Variants in ENDOD1 observed in about 807,000 individuals in gnomAD.
ENDOD1 encodes the protein endonuclease domain containing 1.
ENDOD1 carries 9 observed loss-of-function variants against 6.5 expected under a neutral mutation model. The observed-to-expected ratio is 1.39, with a 90% CI of 0.84 to 2.43. The LOEUF (loss-of-function observed/expected upper bound fraction) is 2.43. Ranked by LOEUF, ENDOD1 falls within the 30% of genes most tolerant of loss-of-function variation. The pLI is 0.00. For synonymous variants in ENDOD1, 255 were observed against 255.2 expected, an observed-to-expected ratio of 1.00 and a Z score of 0.01; for missense variants, 648 against 635.5, an observed-to-expected ratio of 1.02 and a Z score of -0.21.
intron 1 of ENDOD1, among the ~76,000 whole-genome samples, chr11:95,120,980 G>A (rs965988487): frequency 2.0e-5 from 3 of 152,144 alleles, no homozygotes; most frequent in Non-Finnish European, 4.4e-5. Flanking sequence ...CCTCGCAGTT[G>A]CTGTACTCCC....
Position 95,129,412 on chromosome 11 carries a change from G to A in ENDOD1, c.1336G>A (p.Gly446Ser). The A allele has an allele frequency of 1.9e-6, 3 of 1,614,182 alleles. No individual in the cohort carries two copies. The highest frequency in any genetic ancestry group is 2.5e-6 in the Non-Finnish European group (3 of 1,180,038). ...DVATFPVYTM[G>S]AIPIVCKDIA... The stretch of plus-strand genomic sequence containing the variant: ...GGCCACTTTCCCTGTGTACACCATG[G>A]GCGCTATTCCAATTGTTTGCAAGGA... Residue 446 changes from glycine to serine, a missense_variant, in exon 2 of 2, where the codon GGC becomes AGC. Gly to Ser is a moderately conservative substitution (Grantham distance 56). Coordinates refer to ENST00000278505, the MANE Select transcript of ENDOD1 (RefSeq NM_015036.3).
At chr11:95,090,311 G>T in intron 1 of ENDOD1, 84 bp downstream of exon 1, 4 of 1,343,436 alleles carry the variant, frequency 3.0e-6, no homozygotes, top group Non-Finnish European at 3.8e-6. Flanking sequence ...TACCGCGAGG[G>T]GCGGGCCGGG....
chr11:95,121,548 C>T (rs1039164502), intron 1 of ENDOD1, among the ~76,000 whole-genome samples: 2 of 152,150 alleles, frequency 1.3e-5, no homozygotes, highest in Non-Finnish European at 2.9e-5. Flanking sequence ...GAATGTTTCC[C>T]CTCCAATACT....
chr11:95,100,323 AC>A (rs1175787449), intron 1 of ENDOD1, among the ~76,000 whole-genome samples: 1 of 151,842 alleles, frequency 6.6e-6, no homozygotes, highest in Non-Finnish European at 1.5e-5. Context: ...CTCTTTGGAA[AC>A]CCTTCAGGAC....
intron 1 of ENDOD1, among the ~76,000 whole-genome samples, chr11:95,096,926 G>A (rs1858991102): frequency 6.6e-6 from 1 of 152,172 alleles, no homozygotes; most frequent in South Asian, 2.1e-4. Flanking sequence ...ACTTTGGGAG[G>A]CCAAGGCGGT....
intron 1 of ENDOD1, among the ~76,000 whole-genome samples, chr11:95,097,070 A>G (rs1388445007): frequency 6.7e-6 from 1 of 149,840 alleles, no homozygotes; most frequent in Non-Finnish European, 1.5e-5. Context: ...TGGGAGGATC[A>G]TTTGGGCCTG....
chr11:95,114,777 C>G (rs1341025796), intron 1 of ENDOD1, among the ~76,000 whole-genome samples: 1 of 152,170 alleles, frequency 6.6e-6, no homozygotes, highest in Non-Finnish European at 1.5e-5. Flanking sequence ...ATGTTCTTGG[C>G]ACCTTAGTCA....
In ENDOD1 at chr11:95,090,213, C is replaced by G. The variant is rs782596199; in HGVS notation, c.286C>G (p.Leu96Val). 14 of 1,392,626 alleles carry G rather than the reference C, an allele frequency of 1.0e-5. No homozygotes were observed. In the African/African-American group the frequency reaches 1.3e-4, roughly 13 times the overall value. 86.3% of individuals were successfully genotyped at this position (1,392,626 alleles called of 1,614,324 possible). A position where few individuals can be genotyped will look rare whatever the true frequency, so the allele number is the denominator to read the frequency against. ...GCCCGGCGGCGCCGAGCAGCGATGG[C>G]TGGTGGAGCCGCAGGTAAGCGAAGT... Reference protein sequence around the residue: ...PAPGGAEQRWLVEPQIDDPNS... With the variant: ...PAPGGAEQRWVVEPQIDDPNS... The change falls in exon 1 of 2, where the codon CTG (leucine) becomes GTG (valine). Residue 96 changes from leucine (L) to valine (V), a missense_variant. Physicochemically the swap from Leu to Val is conservative, Grantham distance 32. Transcript: ENST00000278505.
intron 1 of ENDOD1, among the ~76,000 whole-genome samples, chr11:95,097,493 G>A (rs1352062783): frequency 6.6e-6 from 1 of 152,084 alleles, no homozygotes; most frequent in Non-Finnish European, 1.5e-5. Flanking sequence ...GGAAGGAGAC[G>A]GCAGATCATT....
At chr11:95,093,761 G>T (rs113875959) in intron 1 of ENDOD1, among the ~76,000 whole-genome samples, 2,914 of 152,246 alleles carry the variant, frequency 0.019, 76 homozygotes, top group African/African-American at 0.066. Flanking sequence ...GCTTGCACCA[G>T]GGCTGGCCAG....
Position 95,129,371 on chromosome 11 carries a change from G to C in ENDOD1, c.1295G>C (p.Arg432Pro). 1 of 1,614,148 alleles carries C rather than the reference G, an allele frequency of 6.2e-7. No homozygotes were observed. Among genetic ancestry groups the C allele is most frequent in the South Asian group, 1.1e-5 (1 of 91,084 alleles). Residue 432 changes from arginine (R) to proline (P), a missense_variant, in exon 2 of 2, where the codon CGT (arginine) becomes CCT (proline). Coordinates refer to ENST00000278505, the MANE Select transcript of ENDOD1 (RefSeq NM_015036.3). ...TGCCGAGTTCTGAGCATCCCTGTCC[G>C]TGTCCTTGTGGATGTGGCCACTTTC... ...AICRVLSIPV[R>P]VLVDVATFPV...
Position 95,128,300 on chromosome 11 carries a change from G to A in ENDOD1, c.301-77G>A, listed in dbSNP as rs1859330968. The A allele has an allele frequency of 5.9e-6, 9 of 1,524,696 alleles. No individual in the cohort carries two copies. The Admixed American group carries it at 1.8e-4, about 30-fold the overall frequency. 94.4% of individuals were successfully genotyped at this position (1,524,696 alleles called of 1,614,324 possible). The stretch of plus-strand genomic sequence containing the variant: ...ATAGACCAGTGGGGACTTCTCCAGA[G>A]TCTGGGCAGGATGATTCTAGTGCTG... On this transcript the variant is annotated intron_variant, in intron 1 of 1. Coordinates refer to ENST00000278505, the MANE Select transcript of ENDOD1 (RefSeq NM_015036.3).
chr11:95,102,699 G>C (rs992987671), intron 1 of ENDOD1, among the ~76,000 whole-genome samples: 4 of 141,732 alleles, frequency 2.8e-5, no homozygotes, highest in Non-Finnish European at 6.2e-5. Flanking sequence ...AACAAACAAA[G>C]AAGTGCTAAG....
intron 1 of ENDOD1, 152 bp from the exon 2 acceptor site, chr11:95,128,225 T>C: frequency 1.2e-6 from 1 of 801,360 alleles, no homozygotes; most frequent in Non-Finnish European, 1.9e-6. Flanking sequence ...CAGAATGAAG[T>C]GTCCATGTGC....
chr11:95,102,958 C>T (rs1555111047), intron 1 of ENDOD1, among the ~76,000 whole-genome samples: 2 of 152,164 alleles, frequency 1.3e-5, no homozygotes, highest in South Asian at 2.1e-4. Flanking sequence ...AGTGATGTCT[C>T]TCAGACTCCA....
At chr11:95,124,879 C>T (rs773557793) in intron 1 of ENDOD1, among the ~76,000 whole-genome samples, 1 of 152,172 alleles carries the variant, frequency 6.6e-6, no homozygotes, top group Non-Finnish European at 1.5e-5. Context: ...GTGTATCAAC[C>T]CCCACAGTCC....
At chr11:95,102,437 C>T (rs1555110984) in intron 1 of ENDOD1, among the ~76,000 whole-genome samples, 2 of 150,476 alleles carry the variant, frequency 1.3e-5, no homozygotes, top group African/African-American at 4.9e-5. Flanking sequence ...TTTGGGAGGC[C>T]GAGGCAGGTG....
At position 95,096,484 on chromosome 11, in the gene ENDOD1, G is replaced by A. The variant is rs192314945; in HGVS notation, c.300+6257G>A. On this transcript the variant is annotated intron_variant, in intron 1 of 1. Coordinates refer to ENST00000278505, the MANE Select transcript of ENDOD1 (RefSeq NM_015036.3). ...CATTGACCTAGTGCTGAACAGAAGTGTGGCTCAATCAAAAGGTCAAACAGA... is the reference window on the plus strand; with the variant it reads ...CATTGACCTAGTGCTGAACAGAAGTATGGCTCAATCAAAAGGTCAAACAGA... Among the ~76,000 whole-genome samples the A allele has an allele frequency of 3.9e-4, 59 of 152,196 alleles. No individual in the cohort carries two copies. In the East Asian group the frequency reaches 7.7e-3, roughly 20 times the overall value.
intron 1 of ENDOD1, among the ~76,000 whole-genome samples, chr11:95,107,181 T>C (rs1208277522): frequency 6.6e-6 from 1 of 151,066 alleles, no homozygotes; most frequent in Admixed American, 6.6e-5. Flanking sequence ...GAGGGGAACT[T>C]TTTTTTTACT....
Sources: allele counts gnomAD v4.1 joint callset (sites outside exome capture counted in the v4.1 genomes callset), GRCh38; gene constraint gnomAD v4.1.1; transcripts MANE v1.5; gene names NCBI Gene and HGNC (gene_info 2026-07-23, HGNC 2026-07-21).